TBX22: variants seen among roughly 807,000 people sequenced by gnomAD.
The protein encoded by TBX22 is T-box transcription factor 22.
In TBX22, 8 loss-of-function variants were observed where a neutral mutation model predicts 30.1. That is an observed-to-expected ratio of 0.27 (90% CI 0.16 to 0.48). The LOEUF is 0.48. Among genes scored for constraint, TBX22 ranks in the 20% least tolerant of loss-of-function variants. TBX22 has a pLI of 0.99. For synonymous variants in TBX22, 173 were observed against 149.1 expected (o/e 1.16, Z -1.17); for missense variants, 463 against 400.5 (o/e 1.16, Z -1.33).
intron 1 of TBX22, 70 bp from the exon 2 acceptor site, chrX:80,022,198 G>T (rs1923739113): frequency 9.3e-7 from 1 of 1,073,757 alleles, no homozygotes; most frequent in South Asian, 1.9e-5. Context: ...CTCCGCCTGT[G>T]TCTCCCCCTC....
chrX:80,027,536 G>T (rs750619452), intron 7 of TBX22, among the ~76,000 whole-genome samples: 166 of 110,985 alleles, frequency 1.5e-3, no homozygotes, highest in African/African-American at 5.2e-3. Context: ...GTGCCAACAG[G>T]CCTGGCTAAT....
chrX:80,027,199 A>G (rs1924016061), intron 6 of TBX22, 57 bp from the exon 7 acceptor site: 1 of 667,899 alleles, frequency 1.5e-6, no homozygotes, highest in Non-Finnish European at 2.5e-6. Context: ...AAGCAATGGC[A>G]ACAGTGTTCT....
intron 1 of TBX22, among the ~76,000 whole-genome samples, chrX:80,020,668 C>A (rs1374099692): frequency 9.0e-6 from 1 of 111,394 alleles, no homozygotes; most frequent in East Asian, 2.8e-4. Context: ...AAGATCTCCT[C>A]CCTATGGCTG....
At chrX:80,027,708 T>C (rs1485613007) in intron 7 of TBX22, among the ~76,000 whole-genome samples, 1 of 111,963 alleles carries the variant, frequency 8.9e-6, no homozygotes, top group Non-Finnish European at 1.9e-5. Flanking sequence ...GAAAACTGAC[T>C]CAGAGACTCA....
intron 4 of TBX22, 91 bp from the exon 5 acceptor site, chrX:80,025,512 G>C (rs1052008333): frequency 1.4e-6 from 1 of 739,033 alleles, no homozygotes; most frequent in African/African-American, 2.1e-5. Flanking sequence ...GGGATCACTG[G>C]GCTAATCTGG....
chrX:80,014,825 C>G lies in TBX22; in HGVS notation c.-65C>G, dbSNP rs1299139217. 8.9e-6 allele frequency: 1 copy of G among 112,368 alleles called. No individual in the cohort carries two copies. Among genetic ancestry groups the G allele is most frequent in the East Asian group, 2.8e-4 (1 of 3,550 alleles). 9.3% of individuals were successfully genotyped at this position (112,368 alleles called of 1,213,427 possible). On this transcript the variant is annotated 5_prime_UTR_variant, in exon 1 of 9. Transcript: ENST00000373296. ...TGAATGAGCTCTGACTGAGACTTGA[C>G]TTCAGAACCACTGGGCTGGCCTGGC...
chrX:80,026,190 A>T (rs779905751), intron 5 of TBX22, among the ~76,000 whole-genome samples: 10 of 110,946 alleles, frequency 9.0e-5, no homozygotes, highest in Non-Finnish European at 1.5e-4. Flanking sequence ...CAAGTGGGGG[A>T]ATCTCAGACT....
At chrX:80,018,010 T>C (rs1282647915) in intron 1 of TBX22, among the ~76,000 whole-genome samples, 1 of 112,035 alleles carries the variant, frequency 8.9e-6, no homozygotes, top group African/African-American at 3.2e-5. Flanking sequence ...CGAACACAGA[T>C]AAGAATTTGT....
chrX:80,028,896 C>A (rs1163805313), intron 8 of TBX22, among the ~76,000 whole-genome samples: 1 of 108,532 alleles, frequency 9.2e-6, no homozygotes, highest in Non-Finnish European at 1.9e-5. Flanking sequence ...GAAGTGAAGT[C>A]TAATCATTTG....
At chrX:80,027,428 G>A (rs1337984946) in intron 7 of TBX22, 108 bp downstream of exon 7, 1 of 453,835 alleles carries the variant, frequency 2.2e-6, no homozygotes, top group Non-Finnish European at 3.9e-6. Context: ...GCCCAGGCTG[G>A]AGTGCAATGG....
chrX:80,022,976 T>A, intron 2 of TBX22, 84 bp from the exon 3 acceptor site: 1 of 999,907 alleles, frequency 1.0e-6, no homozygotes. Context: ...AGGCCCTGTC[T>A]GCTCCAAGAT....
chrX:80,018,627 A>G (rs1923551636), intron 1 of TBX22, among the ~76,000 whole-genome samples: 1 of 111,808 alleles, frequency 8.9e-6, no homozygotes, highest in South Asian at 3.7e-4. Context: ...AACTCCCATC[A>G]TCTCTTTAAT....
At chrX:80,026,191 ATC>A (rs1923964545) in intron 5 of TBX22, among the ~76,000 whole-genome samples, 1 of 111,260 alleles carries the variant, frequency 9.0e-6, no homozygotes, top group African/African-American at 3.3e-5. Context: ...AAGTGGGGGA[ATC>A]TCAGACTGCA....
intron 1 of TBX22, among the ~76,000 whole-genome samples, chrX:80,018,657 G>T (rs183625436): frequency 8.9e-6 from 1 of 111,980 alleles, no homozygotes; most frequent in African/African-American, 3.2e-5. Context: ...ATCTGTGAGT[G>T]CTTACTATGT....
At chrX:80,019,966 C>G (rs1923605668) in intron 1 of TBX22, among the ~76,000 whole-genome samples, 1 of 111,360 alleles carries the variant, frequency 9.0e-6, no homozygotes, top group African/African-American at 3.3e-5. Flanking sequence ...TTCAAAATAT[C>G]ACATCATATG....
chrX:80,020,742 T>C (rs1244126404), intron 1 of TBX22, among the ~76,000 whole-genome samples: 1 of 111,787 alleles, frequency 8.9e-6, no homozygotes, highest in Non-Finnish European at 1.9e-5. Context: ...TGTACCTAAG[T>C]AGCTGAAATT....
intron 5 of TBX22, 125 bp from the exon 6 acceptor site, chrX:80,026,579 C>A: frequency 1.3e-6 from 1 of 749,850 alleles, no homozygotes; most frequent in Non-Finnish European, 2.0e-6. Flanking sequence ...AATGGCACAA[C>A]AAAGTAGTTA....
rs1358403520 is a variant in TBX22, at chrX:80,026,689, T to C, written c.634-15T>C. 1 of 1,210,739 alleles carries C rather than the reference T, an allele frequency of 8.3e-7. No homozygotes were observed. Among genetic ancestry groups the C allele is most frequent in the Non-Finnish European group, 1.1e-6 (1 of 894,740 alleles). On this transcript the variant is annotated splice_polypyrimidine_tract_variant and intron_variant, in intron 5 of 8. Coordinates refer to ENST00000373296, the MANE Select transcript of TBX22 (RefSeq NM_001109878.2). Reference sequence around the variant, plus strand: ...AAGCCAGTTTTTCTAACAGCATTGATCATTTCTCCTCCAGATCATTCTGCA... The same window carrying C: ...AAGCCAGTTTTTCTAACAGCATTGACCATTTCTCCTCCAGATCATTCTGCA...
chrX:80,016,822 A>G (rs935162990), intron 1 of TBX22, among the ~76,000 whole-genome samples: 4 of 110,158 alleles, frequency 3.6e-5, no homozygotes, highest in Admixed American at 1.9e-4. Context: ...CCTGGCCAAC[A>G]TGGTGAAACC....
Sources: gnomAD v4.1 joint callset for allele counts (sites outside exome capture counted in the v4.1 genomes callset) on GRCh38, gnomAD v4.1.1 for gene constraint, MANE v1.5 for transcripts, NCBI Gene and HGNC (gene_info 2026-07-23, HGNC 2026-07-21) for gene names.